The following USP48 variants were observed in gnomAD, a reference collection of about 807,000 sequenced individuals.
USP48 encodes the protein ubiquitin carboxyl-terminal hydrolase 48.
In USP48, 43 loss-of-function variants were observed where a neutral mutation model predicts 150.7. That is an observed-to-expected ratio of 0.29 (90% CI 0.22 to 0.37). USP48 has a LOEUF of 0.37. Ranked by LOEUF, USP48 falls within the 10% of genes least tolerant of loss-of-function variation. USP48 has a pLI of 1.00. For synonymous variants in USP48, 396 were observed against 425.9 expected (o/e 0.93, Z 0.86); for missense variants, 813 against 1,249.6 (o/e 0.65, Z 5.27).
intron 4 of USP48, 144 bp downstream of exon 4, chr1:21,752,848 A>C: frequency 8.0e-7 from 1 of 1,246,306 alleles, no homozygotes; most frequent in Non-Finnish European, 1.1e-6. Context: ...TGTGTAAACT[A>C]TTGGACAGTA....
At chr1:21,760,923 G>A (rs1456968058) in intron 1 of USP48, among the ~76,000 whole-genome samples, 1 of 151,586 alleles carries the variant, frequency 6.6e-6, no homozygotes, top group Non-Finnish European at 1.5e-5. Flanking sequence ...GAGAAACCCT[G>A]TCTCTACTAA....
intron 14 of USP48, 44 bp from the exon 15 acceptor site, chr1:21,715,501 T>C (rs983316873): frequency 3.8e-6 from 5 of 1,331,484 alleles, no homozygotes; most frequent in Non-Finnish European, 5.3e-6. Flanking sequence ...GGTTATTGTG[T>C]ACTTAAAGTT....
chr1:21,766,761 A>T (rs1426368623), intron 1 of USP48, among the ~76,000 whole-genome samples: 1 of 151,968 alleles, frequency 6.6e-6, no homozygotes, highest in Non-Finnish European at 1.5e-5. Context: ...CCTCTACCTA[A>T]CGGGCTCAAG....
At chr1:21,698,971 C>T (rs1278316408) in intron 22 of USP48, among the ~76,000 whole-genome samples, 3 of 152,100 alleles carry the variant, frequency 2.0e-5, no homozygotes, top group Admixed American at 6.6e-5. Flanking sequence ...TACGGTACTG[C>T]CAGCCAAACA....
intron 1 of USP48, among the ~76,000 whole-genome samples, chr1:21,774,016 T>TA (rs1489088458): frequency 6.6e-6 from 1 of 151,810 alleles, no homozygotes; most frequent in African/African-American, 2.4e-5. Flanking sequence ...GTGGCTCTAC[T>TA]AAAAATACAA....
At chr1:21,682,289 CT>C (rs995741767) in intron 25 of USP48, among the ~76,000 whole-genome samples, 7 of 152,020 alleles carry the variant, frequency 4.6e-5, no homozygotes, top group African/African-American at 1.7e-4. Flanking sequence ...ATTTGACTGG[CT>C]TTCCCTCCTA....
At chr1:21,771,382 AT>A (rs148074286) in intron 1 of USP48, among the ~76,000 whole-genome samples, 11,325 of 149,102 alleles carry the variant, frequency 0.076, 523 homozygotes, top group East Asian at 0.19. Flanking sequence ...TCAAAAAAAA[AT>A]AAATTATTAT....
intron 8 of USP48, among the ~76,000 whole-genome samples, chr1:21,739,919 G>A (rs1333151667): frequency 9.6e-6 from 1 of 104,430 alleles, no homozygotes; most frequent in Non-Finnish European, 1.9e-5. Flanking sequence ...TGCAGTATTT[G>A]TCTTTTTTTT....
At chr1:21,724,707 ATATTAT>A (rs1015466939) in intron 11 of USP48, 1 of 152,482 alleles carries the variant, frequency 6.6e-6, no homozygotes, top group Admixed American at 6.5e-5. Flanking sequence ...TCTCTTCATT[ATATTAT>A]TATTTATTTC....
At chr1:21,774,182 A>ATAATAATAG (rs1314545955) in intron 1 of USP48, among the ~76,000 whole-genome samples, 1 of 44,248 alleles carries the variant, frequency 2.3e-5, no homozygotes, top group Non-Finnish European at 5.9e-5. Flanking sequence ...CCGTCTCAAA[A>ATAATAATAG]TAATAATAAT....
intron 14 of USP48, among the ~76,000 whole-genome samples, 178 bp downstream of exon 14, chr1:21,720,858 C>G (rs139441854): frequency 5.3e-5 from 8 of 152,214 alleles, no homozygotes; most frequent in African/African-American, 1.9e-4. Context: ...GAAACAGGGT[C>G]TCACTCTGTT....
At chr1:21,695,368 C>T (rs867225637) in intron 22 of USP48, 147 bp from the exon 23 acceptor site, 34 of 838,422 alleles carry the variant, frequency 4.1e-5, no homozygotes, top group African/African-American at 3.9e-4. Flanking sequence ...TAGAAACTAA[C>T]GAGACTTTCT....
intron 23 of USP48, among the ~76,000 whole-genome samples, chr1:21,692,737 A>G (rs983696697): frequency 5.9e-5 from 9 of 152,196 alleles, no homozygotes; most frequent in African/African-American, 2.2e-4. Flanking sequence ...GGATGGTAGC[A>G]GAAGGTATGT....
intron 24 of USP48, 90 bp from the exon 25 acceptor site, chr1:21,687,329 T>G (rs2097582766): frequency 3.3e-6 from 4 of 1,224,306 alleles, no homozygotes; most frequent in Non-Finnish European, 4.7e-6. Flanking sequence ...CTGATATTGC[T>G]ATAAGACACA....
chr1:21,782,069 C>T (rs1214611417), intron 1 of USP48: 2 of 152,234 alleles, frequency 1.3e-5, no homozygotes, highest in Non-Finnish European at 2.9e-5. Context: ...AAGACGGCTA[C>T]TGAGCATGCC....
Position 21,705,479 on chromosome 1 carries a change from G to A in USP48, c.2384+248C>T, listed in dbSNP as rs984289183. On this transcript the variant is annotated intron_variant, in intron 19 of 26. Transcript: ENST00000308271. ...TCACCAGCAGCGGGGGAAGAGAAAG[G>A]GTGGCTGTGTTGTCTTCAAGAGGGA... Among the ~76,000 whole-genome samples the A allele has an allele frequency of 3.3e-5, 5 of 152,130 alleles. No individual in the cohort carries two copies. In the East Asian group the frequency reaches 7.7e-4, roughly 23 times the overall value.
In USP48 at chr1:21,695,152, G is replaced by A. The variant is rs1338457304; in HGVS notation, c.2797C>T (p.Arg933Cys). The part of the protein sequence containing the change: ...NYIAYQKQVI[R>C]RSMRHRKVRG... ...ACTTTTCTATGTCGCATACTTCGGC[G>A]AATAACTTGCTTTTGATAGGCTATA... is the stretch of plus-strand genomic sequence containing the variant. The change falls in exon 23 of 27, where the codon CGC (arginine) becomes TGC (cysteine). Residue 933 changes from arginine (R) to cysteine (C), a missense_variant. Arg to Cys is a radical substitution (Grantham distance 180). Transcript: ENST00000308271. The A allele has an allele frequency of 1.2e-6, 2 of 1,613,470 alleles. No homozygotes were observed. Among genetic ancestry groups the A allele is most frequent in the Non-Finnish European group, 1.7e-6 (2 of 1,179,768 alleles).
In USP48 at chr1:21,753,023, T is replaced by C. The variant is rs1357560244; in HGVS notation, c.509A>G (p.Lys170Arg). 6.2e-7 allele frequency: 1 copy of C among 1,609,590 alleles called. No individual in the cohort carries two copies. The highest frequency in any genetic ancestry group is 8.5e-7 in the Non-Finnish European group (1 of 1,179,074). The stretch of plus-strand genomic sequence containing the variant: ...TTGTCCAGTGTCCAGGCCCAAGGCT[T>C]TAACAAATCCTGATGGATCAATGTA... ...RRYIDPSGFV[K>R]ALGLDTGQQQ... is the part of the protein sequence containing the mutation. The change falls in exon 4 of 27, where the codon AAA becomes AGA. Residue 170 changes from lysine (K) to arginine (R), a missense_variant. Lys to Arg is a conservative substitution (Grantham distance 26, BLOSUM62 2). Coordinates refer to ENST00000308271, the MANE Select transcript of USP48 (RefSeq NM_032236.8).
intron 14 of USP48, among the ~76,000 whole-genome samples, chr1:21,719,503 A>C (rs999729747): frequency 2.6e-5 from 4 of 152,270 alleles, no homozygotes; most frequent in Non-Finnish European, 5.9e-5. Flanking sequence ...TAATCCCAGC[A>C]CTTTGGGAAG....
Sources: allele counts gnomAD v4.1 joint callset (sites outside exome capture counted in the v4.1 genomes callset), GRCh38; gene constraint gnomAD v4.1.1; transcripts MANE v1.5; gene names NCBI Gene and HGNC (gene_info 2026-07-23, HGNC 2026-07-21).